TIAL1: variants seen among roughly 807,000 people sequenced by gnomAD.
TIAL1 encodes nucleolysin TIAR.
Under a neutral mutation model 59.7 loss-of-function variants are expected in TIAL1, and 7 were observed. The observed-to-expected ratio is 0.12, with a 90% CI of 0.07 to 0.22. The LOEUF (loss-of-function observed/expected upper bound fraction) is 0.22. Among genes scored for constraint, TIAL1 ranks in the 10% least tolerant of loss-of-function variants. TIAL1 has a pLI of 1.00. For missense variants in TIAL1, 225 were observed against 462.5 expected (o/e 0.49, Z 4.71); for synonymous variants, 149 against 146.3 (o/e 1.02, Z -0.13).
At chr10:119,584,120 T>C (rs1208028977) in intron 2 of TIAL1, among the ~76,000 whole-genome samples, 1 of 152,212 alleles carries the variant, frequency 6.6e-6, no homozygotes, top group South Asian at 2.1e-4. Flanking sequence ...TACTCGTGAA[T>C]ACCAATTTCA....
At chr10:119,581,265 G>A (rs1174624136) in intron 5 of TIAL1, among the ~76,000 whole-genome samples, 6 of 151,934 alleles carry the variant, frequency 3.9e-5, no homozygotes, top group African/African-American at 1.4e-4. Context: ...AGTAACAACA[G>A]TAAAATCTGA....
intron 1 of TIAL1, among the ~76,000 whole-genome samples, chr10:119,594,150 A>G (rs911081362): frequency 1.3e-5 from 2 of 152,184 alleles, no homozygotes; most frequent in Non-Finnish European, 1.5e-5. Context: ...CTGACATACA[A>G]AACAACAGAG....
chr10:119,589,416 G>C lies in TIAL1; in HGVS notation c.33-1168C>G, dbSNP rs565545439. ...AGACGGGGTTTCACCATGTTGGCCT[G>C]GCTGGTCTCAAACTCCTAACCTCAA... On this transcript the variant is annotated intron_variant, in intron 1 of 11. Transcript: ENST00000436547. Among the ~76,000 whole-genome samples the C allele has an allele frequency of 2.4e-3, 369 of 152,232 alleles. 1 individual carries two copies. Among genetic ancestry groups the C allele is most frequent in the African/African-American group, 8.6e-3 (356 of 41,542 alleles).
intron 8 of TIAL1, 45 bp from the exon 9 acceptor site, chr10:119,577,580 T>C (rs768466998): frequency 6.2e-7 from 1 of 1,607,262 alleles, no homozygotes; most frequent in South Asian, 1.1e-5. Flanking sequence ...ATGTGTATCA[T>C]GAAATTCATA....
At chr10:119,592,176 G>C (rs923408223) in intron 1 of TIAL1, 2 of 152,224 alleles carry the variant, frequency 1.3e-5, no homozygotes, top group South Asian at 2.1e-4. Flanking sequence ...TTTGTATTGA[G>C]AGGTCAATTC....
At position 119,577,210 on chromosome 10, in the gene TIAL1, A is replaced by G. The variant is rs756713216; in HGVS notation, c.738-7T>C. On this transcript the variant is annotated splice_polypyrimidine_tract_variant and splice_region_variant and intron_variant, in intron 9 of 11. Coordinates refer to ENST00000436547, the MANE Select transcript of TIAL1 (RefSeq NM_003252.4). Reference sequence around the variant, plus strand: ...ACTTTCATGGGTTGAAAATCTAAGAAAGAAAAATGATATGGTTTTGTCTTT... The same window carrying G: ...ACTTTCATGGGTTGAAAATCTAAGAGAGAAAAATGATATGGTTTTGTCTTT... The G allele has an allele frequency of 6.3e-7, 1 of 1,591,916 alleles. No homozygotes were observed. Among genetic ancestry groups the G allele is most frequent in the Admixed American group, 1.9e-5 (1 of 52,978 alleles).
At chr10:119,588,080 A>C (rs372291903) in intron 2 of TIAL1, 72 bp downstream of exon 2, 1 of 898,794 alleles carries the variant, frequency 1.1e-6, no homozygotes, top group African/African-American at 1.7e-5. Context: ...TGAGGCTTAC[A>C]ATGAAATTTT....
At chr10:119,593,097 A>G (rs1400682196) in intron 1 of TIAL1, among the ~76,000 whole-genome samples, 1 of 152,248 alleles carries the variant, frequency 6.6e-6, no homozygotes, top group Non-Finnish European at 1.5e-5. Flanking sequence ...AAACACTATT[A>G]CAATTTAGTG....
At chr10:119,591,468 A>C (rs1008350871) in intron 1 of TIAL1, among the ~76,000 whole-genome samples, 1 of 152,214 alleles carries the variant, frequency 6.6e-6, no homozygotes, top group Non-Finnish European at 1.5e-5. Flanking sequence ...CAGATCTTGA[A>C]GAATTTCTAG....
intron 8 of TIAL1, 44 bp downstream of exon 8, chr10:119,577,597 G>A: frequency 6.2e-7 from 1 of 1,605,974 alleles, no homozygotes. Context: ...CATATGAACA[G>A]TGATGAAGCT....
chr10:119,575,019 A>G lies in TIAL1; in HGVS notation c.*646T>C, dbSNP rs555385867. On this transcript the variant is annotated 3_prime_UTR_variant, in exon 12 of 12. Transcript: ENST00000436547. ...CGACACTTTTGGAAGTTTTAAAAAT[A>G]TGTCTTAACGTGGACCACCAACATT... 1 of 152,734 alleles carries G rather than the reference A, an allele frequency of 6.5e-6. No homozygotes were observed. Among genetic ancestry groups the G allele is most frequent in the African/African-American group, 2.4e-5 (1 of 41,570 alleles). 9.5% of individuals were successfully genotyped at this position (152,734 alleles called of 1,614,324 possible).
intron 5 of TIAL1, chr10:119,581,665 TAACA>T (rs1845313934): frequency 6.4e-6 from 2 of 312,148 alleles, no homozygotes; most frequent in Non-Finnish European, 1.2e-5. Context: ...GCTTCAAAGA[TAACA>T]AACAGAATCA....
chr10:119,578,894 G>C (rs1845165095), intron 6 of TIAL1, 60 bp from the exon 7 acceptor site: 1 of 1,299,158 alleles, frequency 7.7e-7, no homozygotes, highest in Non-Finnish European at 1.1e-6. Context: ...GACTCTGTAA[G>C]ATGAAATAAA....
intron 1 of TIAL1, 63 bp downstream of exon 1, chr10:119,596,371 C>T: frequency 1.3e-6 from 2 of 1,594,346 alleles, no homozygotes; most frequent in Non-Finnish European, 1.7e-6. Context: ...CCTGCTCCCT[C>T]CCTTAGCGTC....
In TIAL1 at chr10:119,575,843, A is replaced by T. The variant is rs566604877; in HGVS notation, c.1002-52T>A. On this transcript the variant is annotated intron_variant, in intron 11 of 11. Coordinates refer to ENST00000436547, the MANE Select transcript of TIAL1 (RefSeq NM_003252.4). ...GCAAACACAAGAAAAAAAAAATCAC[A>T]TATGTATTTACACAAAAATCAAGCA... 1.3e-5 allele frequency: 19 copies of T among 1,496,014 alleles called. No homozygotes were observed. The South Asian group carries it at 2.1e-4, about 16-fold the overall frequency. The allele number at this position is 1,496,014 out of a possible 1,614,324, so 92.7% of individuals were successfully genotyped here.
Position 119,588,267 on chromosome 10 carries a change from C to A in TIAL1, c.33-19G>T, listed in dbSNP as rs752105197. The A allele has an allele frequency of 1.3e-6, 2 of 1,490,600 alleles. No individual in the cohort carries two copies. The highest frequency in any genetic ancestry group is 1.3e-5 in the South Asian group (1 of 79,504). 92.3% of individuals were successfully genotyped at this position (1,490,600 alleles called of 1,614,324 possible). ...TACGTATCTGCACAAGAAAAAAATA[C>A]GTTATCAGCAATTTTTCCTTTAGCT... On this transcript the variant is annotated intron_variant, in intron 1 of 11. Coordinates refer to ENST00000436547, the MANE Select transcript of TIAL1 (RefSeq NM_003252.4).
intron 10 of TIAL1, 53 bp from the exon 11 acceptor site, chr10:119,576,803 GA>G: frequency 6.3e-7 from 1 of 1,596,662 alleles, no homozygotes; most frequent in Non-Finnish European, 8.5e-7. Context: ...CACCGTATAT[GA>G]AGAAAGAGTG....
intron 1 of TIAL1, chr10:119,593,304 A>G (rs974628624): frequency 5.2e-6 from 1 of 192,832 alleles, no homozygotes; most frequent in African/African-American, 2.4e-5. Flanking sequence ...TAAATGTCAA[A>G]TGAGAATGAA....
Position 119,596,863 on chromosome 10 carries a change from G to A in TIAL1, c.-398C>T, listed in dbSNP as rs891464605. On this transcript the variant is annotated 5_prime_UTR_variant, in exon 1 of 12. Transcript: ENST00000436547. ...CGCTGTGGGCCTCTGGCCGGCCGAAGCCCAGCCAGCTCCGGGAGAGATCGG... is the reference window on the plus strand; with the variant it reads ...CGCTGTGGGCCTCTGGCCGGCCGAAACCCAGCCAGCTCCGGGAGAGATCGG... The A allele has an allele frequency of 8.8e-6, 2 of 227,598 alleles. No individual in the cohort carries two copies. The highest frequency in any genetic ancestry group is 1.1e-4 in the East Asian group (1 of 9,078). 14.1% of individuals were successfully genotyped at this position (227,598 alleles called of 1,614,324 possible).
Sources: gnomAD v4.1 joint callset for allele counts (sites outside exome capture counted in the v4.1 genomes callset) on GRCh38, gnomAD v4.1.1 for gene constraint, MANE v1.5 for transcripts, NCBI Gene and HGNC (gene_info 2026-07-23, HGNC 2026-07-21) for gene names.